Variants in ARHGEF10 observed in about 807,000 individuals in gnomAD.
The protein encoded by ARHGEF10 is Rho guanine nucleotide exchange factor 10.
ARHGEF10 carries 140 observed loss-of-function variants against 147.4 expected under a neutral mutation model. The observed-to-expected ratio is 0.95, with a 90% CI of 0.83 to 1.09. The LOEUF is 1.09. Among genes scored for constraint, ARHGEF10 ranks in the 50% least tolerant of loss-of-function variants. The pLI is 0.00. For synonymous variants in ARHGEF10, 902 were observed against 695.8 expected (o/e 1.30, Z -4.67); for missense variants, 2,222 against 1,752.7 (o/e 1.27, Z -4.78).
At chr8:1,885,221 T>C (rs1224755679) in intron 10 of ARHGEF10, among the ~76,000 whole-genome samples, 1 of 152,248 alleles carries the variant, frequency 6.6e-6, no homozygotes, top group Non-Finnish European at 1.5e-5. Flanking sequence ...TAGCCATTCT[T>C]AGCTGTGTTT....
chr8:1,935,677 T>C (rs1813534538), intron 26 of ARHGEF10, among the ~76,000 whole-genome samples: 1 of 152,204 alleles, frequency 6.6e-6, no homozygotes, highest in Non-Finnish European at 1.5e-5. Context: ...AAATCCTCTC[T>C]ACAGAGGAGC....
intron 28 of ARHGEF10, 145 bp downstream of exon 28, chr8:1,952,972 A>G (rs2129289976): frequency 8.3e-7 from 1 of 1,202,550 alleles, no homozygotes; most frequent in Non-Finnish European, 1.1e-6. Context: ...ATGACTTAAT[A>G]GACTGTTTAA....
chr8:1,865,683 G>A (rs1168480726), intron 5 of ARHGEF10, among the ~76,000 whole-genome samples: 1 of 151,920 alleles, frequency 6.6e-6, no homozygotes, highest in Non-Finnish European at 1.5e-5. Flanking sequence ...TGCTTGAGAA[G>A]TCGTCATCGT....
intron 10 of ARHGEF10, among the ~76,000 whole-genome samples, chr8:1,883,268 G>A (rs1174076356): frequency 2.0e-5 from 3 of 152,104 alleles, no homozygotes; most frequent in East Asian, 1.9e-4. Flanking sequence ...TGTCGTGCAC[G>A]GCGGCAACAA....
At chr8:1,826,801 A>G (rs893786620) in intron 1 of ARHGEF10, among the ~76,000 whole-genome samples, 6 of 152,248 alleles carry the variant, frequency 3.9e-5, no homozygotes, top group African/African-American at 1.4e-4. Flanking sequence ...GGAGATGCTC[A>G]GAGAATCTGT....
chr8:1,956,798 C>G lies in ARHGEF10; in HGVS notation c.3570C>G (p.Ile1190Met). 6.2e-7 allele frequency: 1 copy of G among 1,614,100 alleles called. No individual in the cohort carries two copies. The highest frequency in any genetic ancestry group is 1.3e-5 in the African/African-American group (1 of 75,056). The change falls in exon 29 of 29, where the codon ATC (isoleucine) becomes ATG (methionine). Residue 1190 changes from isoleucine to methionine, a missense_variant. Ile to Met is a conservative substitution (Grantham distance 10, BLOSUM62 1). Coordinates refer to ENST00000349830, the MANE Select transcript of ARHGEF10 (RefSeq NM_014629.4). ...YHAHNSPVKF[I>M]VLATALHEKD... Reference sequence around the variant, plus strand: ...CACACAACAGTCCTGTCAAATTCATCGTCCTGGCCACGGCTCTGCACGAGA... The same window carrying G: ...CACACAACAGTCCTGTCAAATTCATGGTCCTGGCCACGGCTCTGCACGAGA...
In ARHGEF10 at chr8:1,884,827, C is replaced by T. The variant is rs140897327; in HGVS notation, c.1076-774C>T. 4.4e-3 allele frequency among the ~76,000 whole-genome samples: 666 copies of T among 152,254 alleles called. 5 individuals are homozygous for T. Among genetic ancestry groups the T allele is most frequent in the East Asian group, 0.031 (159 of 5,172 alleles). ...TCGCCCAGGCTGGAGTGCAGTGGCACGACCACAGCTCACTGCAGCCTCCAC... is the reference window on the plus strand; with the variant it reads ...TCGCCCAGGCTGGAGTGCAGTGGCATGACCACAGCTCACTGCAGCCTCCAC... On this transcript the variant is annotated intron_variant, in intron 10 of 28. Coordinates refer to ENST00000349830, the MANE Select transcript of ARHGEF10 (RefSeq NM_014629.4).
chr8:1,914,839 G>A (rs750304329), intron 18 of ARHGEF10, among the ~76,000 whole-genome samples: 37 of 152,324 alleles, frequency 2.4e-4, no homozygotes, highest in Non-Finnish European at 5.0e-4. Flanking sequence ...ACCCTTGAAC[G>A]AGTACTGAGA....
Position 1,848,763 on chromosome 8 carries a change from G to T in ARHGEF10, c.37+5327G>T, listed in dbSNP as rs1023155508. On this transcript the variant is annotated intron_variant, in intron 2 of 28. Transcript: ENST00000349830. ...TAAAATTTTATTGAATATTCTTCCAGTGTTTTAGAAGTAGTCTTTTTTTTT... is the reference window on the plus strand; with the variant it reads ...TAAAATTTTATTGAATATTCTTCCATTGTTTTAGAAGTAGTCTTTTTTTTT... Among the ~76,000 whole-genome samples the T allele has an allele frequency of 4.5e-4, 68 of 152,122 alleles. 1 individual carries two copies. The highest frequency in any genetic ancestry group is 2.0e-3 in the Admixed American group (31 of 15,274).
chr8:1,867,745 A>G (rs1806746587), intron 6 of ARHGEF10, among the ~76,000 whole-genome samples: 1 of 152,194 alleles, frequency 6.6e-6, no homozygotes, highest in African/African-American at 2.4e-5. Flanking sequence ...TTTCCTGATT[A>G]TGCCTCTCAT....
At chr8:1,894,346 G>A in intron 12 of ARHGEF10, 47 bp from the exon 13 acceptor site, 2 of 1,606,448 alleles carry the variant, frequency 1.2e-6, no homozygotes, top group Non-Finnish European at 1.7e-6. Context: ...CAAGACCCAG[G>A]CTCTGAAAAA....
intron 4 of ARHGEF10, 96 bp downstream of exon 4, chr8:1,860,280 C>A: frequency 6.6e-7 from 1 of 1,516,670 alleles, no homozygotes. Flanking sequence ...TCTGCATGCC[C>A]CGGATGTGGC....
At chr8:1,841,802 A>AGGAACTGGGGCCGCGACG (rs1804052103) in intron 1 of ARHGEF10, among the ~76,000 whole-genome samples, 17 of 136,908 alleles carry the variant, frequency 1.2e-4, no homozygotes, top group East Asian at 4.4e-4. Flanking sequence ...CCTGAAACCT[A>AGGAACTGGGGCCGCGACG]GGAACTGGGG....
intron 7 of ARHGEF10, among the ~76,000 whole-genome samples, chr8:1,874,840 C>T (rs544254281): frequency 1.5e-4 from 17 of 110,562 alleles, no homozygotes; most frequent in African/African-American, 3.6e-4. Context: ...CACACCACGG[C>T]GTGTAGGGGG....
intron 23 of ARHGEF10, chr8:1,927,061 G>C (rs190862665): frequency 5.9e-6 from 1 of 168,472 alleles, no homozygotes; most frequent in South Asian, 1.4e-4. Flanking sequence ...TGTGCAGCAC[G>C]CCACTGCCTC....
chr8:1,909,928 A>G (rs1445371107), intron 18 of ARHGEF10, among the ~76,000 whole-genome samples: 3 of 152,178 alleles, frequency 2.0e-5, no homozygotes, highest in African/African-American at 4.8e-5. Flanking sequence ...CAGTTTCCCC[A>G]TGGAGGCAGT....
intron 18 of ARHGEF10, among the ~76,000 whole-genome samples, chr8:1,914,174 A>G (rs1811583464): frequency 1.3e-5 from 2 of 152,242 alleles, no homozygotes; most frequent in East Asian, 3.8e-4. Flanking sequence ...ACAGCTGAAT[A>G]TACACCTGAC....
At chr8:1,862,151 C>T (rs559524491) in intron 4 of ARHGEF10, among the ~76,000 whole-genome samples, 16 of 152,336 alleles carry the variant, frequency 1.1e-4, no homozygotes, top group East Asian at 5.8e-4. Flanking sequence ...GTGTTAGGCC[C>T]GGTCCCCAGC....
intron 1 of ARHGEF10, among the ~76,000 whole-genome samples, chr8:1,836,542 G>T (rs1056898261): frequency 2.6e-5 from 4 of 152,188 alleles, no homozygotes; most frequent in African/African-American, 9.7e-5. Context: ...GCTTCAGGGG[G>T]TGGGATGTTT....
Sources: allele counts gnomAD v4.1 joint callset (sites outside exome capture counted in the v4.1 genomes callset), GRCh38; gene constraint gnomAD v4.1.1; transcripts MANE v1.5; gene names NCBI Gene and HGNC (gene_info 2026-07-23, HGNC 2026-07-21).